Variants in DENND11 observed in about 807,000 individuals in gnomAD.
DENND11 encodes the protein DENN domain-containing protein 11.
Under a neutral mutation model 49.2 loss-of-function variants are expected in DENND11, and 34 were observed. The observed-to-expected ratio is 0.69, with a 90% CI of 0.53 to 0.92. The LOEUF is 0.92. DENND11 is among the 40% of genes least tolerant of loss of function. The pLI is 0.00. For synonymous variants in DENND11, 238 were observed against 230.3 expected, an observed-to-expected ratio of 1.03 and a Z score of -0.30; for missense variants, 475 against 581.6, an observed-to-expected ratio of 0.82 and a Z score of 1.88.
chr7:141,699,362 C>T (rs1404471561), intron 1 of DENND11, among the ~76,000 whole-genome samples: 3 of 152,040 alleles, frequency 2.0e-5, no homozygotes, highest in African/African-American at 7.2e-5. Flanking sequence ...AACCTTGAGG[C>T]CCTCAGAAGC....
rs78668211 is a variant in DENND11, at chr7:141,689,781, A to C, written c.269-3123T>G. On this transcript the variant is annotated intron_variant, in intron 1 of 8. Transcript: ENST00000536163. Reference sequence around the variant, plus strand: ...TCATGAATTAGCTTAGCCTCTTCTGAGTTTCTACAAAATGTAATTATAGTT... The same window carrying C: ...TCATGAATTAGCTTAGCCTCTTCTGCGTTTCTACAAAATGTAATTATAGTT... 2.0e-3 allele frequency among the ~76,000 whole-genome samples: 298 copies of C among 152,294 alleles called. 1 individual carries two copies. The highest frequency in any genetic ancestry group is 6.7e-3 in the African/African-American group (280 of 41,558).
chr7:141,665,292 C>T lies in DENND11; in HGVS notation c.847G>A (p.Val283Ile), dbSNP rs373527345. The change falls in exon 6 of 9, where the codon GTT becomes ATT. Residue 283 changes from valine to isoleucine, a missense_variant. Val to Ile is a conservative substitution (Grantham distance 29). Coordinates refer to ENST00000536163, the MANE Select transcript of DENND11 (RefSeq NM_001080392.2). ...RVYCCCCLAN[V>I]SLPGIGGTIP... The stretch of plus-strand genomic sequence containing the variant: ...GTGCCCCCGATGCCAGGCAGTGAAA[C>T]GTTGGCCAAGCAGCAGCAGCAGTAC... 4.4e-5 allele frequency: 71 copies of T among 1,613,778 alleles called. No homozygotes were observed. Among genetic ancestry groups the T allele is most frequent in the Non-Finnish European group, 5.5e-5 (65 of 1,179,876 alleles).
chr7:141,671,035 C>G (rs1321522898), intron 4 of DENND11, among the ~76,000 whole-genome samples: 1 of 152,164 alleles, frequency 6.6e-6, no homozygotes, highest in African/African-American at 2.4e-5. Flanking sequence ...TCCATGTCAC[C>G]TTCTTATGCT....
At chr7:141,676,849 C>T (rs1293955173) in intron 3 of DENND11, among the ~76,000 whole-genome samples, 2 of 152,178 alleles carry the variant, frequency 1.3e-5, no homozygotes, top group Non-Finnish European at 2.9e-5. Context: ...TGCCAAACCA[C>T]CTATGGAAAC....
intron 4 of DENND11, among the ~76,000 whole-genome samples, chr7:141,672,033 C>T (rs968484543): frequency 6.6e-6 from 1 of 152,216 alleles, no homozygotes; most frequent in Non-Finnish European, 1.5e-5. Flanking sequence ...GAGCAGAAGA[C>T]ACCTATGACT....
At chr7:141,677,422 TACAC>T (rs60152716) in intron 3 of DENND11, among the ~76,000 whole-genome samples, 2 of 124,642 alleles carry the variant, frequency 1.6e-5, no homozygotes, top group Admixed American at 9.6e-5. Context: ...TATATATATA[TACAC>T]ATATATATGT....
chr7:141,666,447 GGGA>G (rs1306547091), intron 4 of DENND11, 22 bp from the exon 5 acceptor site: 4 of 1,555,936 alleles, frequency 2.6e-6, no homozygotes, highest in Non-Finnish European at 8.8e-7. Context: ...GAGGGGAATA[GGGA>G]GGAGAAAGAG....
At chr7:141,696,563 C>T (rs963354184) in intron 1 of DENND11, among the ~76,000 whole-genome samples, 4 of 152,214 alleles carry the variant, frequency 2.6e-5, no homozygotes, top group Admixed American at 2.6e-4. Flanking sequence ...TCTTCCAGCT[C>T]CTCTGACCTC....
intron 3 of DENND11, among the ~76,000 whole-genome samples, chr7:141,683,200 G>A (rs966820972): frequency 2.0e-5 from 3 of 152,062 alleles, no homozygotes; most frequent in African/African-American, 7.2e-5. Context: ...TGCATCATGG[G>A]TATTCCTGGA....
chr7:141,666,784 A>G (rs979947743), intron 4 of DENND11, among the ~76,000 whole-genome samples: 1 of 152,256 alleles, frequency 6.6e-6, no homozygotes, highest in African/African-American at 2.4e-5. Context: ...ACTGTTAAGT[A>G]ATAACATGAT....
At position 141,661,623 on chromosome 7, in the gene DENND11, C is replaced by T. The variant is rs955088745; in HGVS notation, c.*1033G>A. 5 of 152,192 alleles carry T rather than the reference C, an allele frequency of 3.3e-5. No homozygotes were observed. Among genetic ancestry groups the T allele is most frequent in the African/African-American group, 1.2e-4 (5 of 41,430 alleles). 9.4% of individuals were successfully genotyped at this position (152,192 alleles called of 1,614,324 possible). ...TAAACCGTCTTGTTAGCATCATGCT[C>T]CACCCTCTGAGTTAACCAGCTCAGA... On this transcript the variant is annotated 3_prime_UTR_variant, in exon 9 of 9. Coordinates refer to ENST00000536163, the MANE Select transcript of DENND11 (RefSeq NM_001080392.2).
rs748853735 is a variant in DENND11 at position 141,686,625 on chromosome 7, A to G, written c.302T>C (p.Ile101Thr). The change falls in exon 2 of 9, where the codon ATT becomes ACT. Residue 101 changes from isoleucine to threonine, a missense_variant. Transcript: ENST00000536163. ...CTTGAACTCAACACCTTCAAGGTCA[A>G]TATCTTGAGGTAAGCACCATTCTAC... ...NMVEWCLPQD[I>T]DLEGVEFKSM... 10 of 1,612,794 alleles carry G rather than the reference A, an allele frequency of 6.2e-6. No individual in the cohort carries two copies. In the Admixed American group the frequency reaches 1.3e-4, roughly 22 times the overall value.
At position 141,686,362 on chromosome 7, in the gene DENND11, G is replaced by T. The variant is rs566295356; in HGVS notation, c.368+197C>A. Among the ~76,000 whole-genome samples, 5 of 152,270 alleles carry T rather than the reference G, an allele frequency of 3.3e-5. No homozygotes were observed. In the South Asian group the frequency reaches 1.0e-3, roughly 32 times the overall value. Reference sequence around the variant, plus strand: ...AGGCAGGGATTCTTAAGATTTGCAGGTCATGAAGCCCATTGAGAATCTGAT... The same window carrying T: ...AGGCAGGGATTCTTAAGATTTGCAGTTCATGAAGCCCATTGAGAATCTGAT... On this transcript the variant is annotated intron_variant, in intron 2 of 8. Transcript: ENST00000536163.
chr7:141,675,068 T>C (rs144975514), intron 3 of DENND11, among the ~76,000 whole-genome samples: 1 of 152,286 alleles, frequency 6.6e-6, no homozygotes, highest in Non-Finnish European at 1.5e-5. Flanking sequence ...CATCTTTACA[T>C]AGGTAATCAA....
chr7:141,676,600 C>T (rs1419998759), intron 3 of DENND11, among the ~76,000 whole-genome samples: 1 of 152,184 alleles, frequency 6.6e-6, no homozygotes. Context: ...TACAAATTGG[C>T]AGTTCCTGGA....
At chr7:141,666,959 CTG>C (rs1797905479) in intron 4 of DENND11, among the ~76,000 whole-genome samples, 1 of 152,160 alleles carries the variant, frequency 6.6e-6, no homozygotes, top group Non-Finnish European at 1.5e-5. Context: ...CTGACTCACT[CTG>C]TCACCCAGGT....
intron 1 of DENND11, among the ~76,000 whole-genome samples, chr7:141,687,534 G>A (rs949864416): frequency 6.6e-6 from 1 of 151,750 alleles, no homozygotes; most frequent in Non-Finnish European, 1.5e-5. Flanking sequence ...CACAATCTCG[G>A]GTCACTGCAA....
At chr7:141,676,269 A>G (rs1562999219) in intron 3 of DENND11, among the ~76,000 whole-genome samples, 1 of 152,148 alleles carries the variant, frequency 6.6e-6, no homozygotes, top group East Asian at 1.9e-4. Flanking sequence ...ATTAGTATCA[A>G]ATTTCCCTAA....
At chr7:141,688,161 T>C (rs371042270) in intron 1 of DENND11, among the ~76,000 whole-genome samples, 81 of 152,350 alleles carry the variant, frequency 5.3e-4, no homozygotes, top group Middle Eastern at 6.8e-3. Flanking sequence ...ATCTAGAGTC[T>C]TGAGAGAACA....
Sources: allele counts gnomAD v4.1 joint callset (sites outside exome capture counted in the v4.1 genomes callset), GRCh38; gene constraint gnomAD v4.1.1; transcripts MANE v1.5; gene names NCBI Gene and HGNC (gene_info 2026-07-23, HGNC 2026-07-21).